CA13: variants seen among roughly 807,000 people sequenced by gnomAD.
CA13 encodes the protein CA-XIII.
A neutral mutation model predicts 31.5 loss-of-function variants in CA13; 21 were observed. The observed-to-expected ratio is 0.67, with a 90% confidence interval of 0.47 to 0.96. The LOEUF is 0.96. Ranked by LOEUF, CA13 falls within the 40% of genes least tolerant of loss-of-function variation. CA13 has a pLI of 0.00. For missense variants in CA13, 315 were observed against 318.9 expected (o/e 0.99, Z 0.09); for synonymous variants, 117 against 111.4 (o/e 1.05, Z -0.32).
At chr8:85,257,193 G>A (rs1363081208) in intron 2 of CA13, among the ~76,000 whole-genome samples, 2 of 152,162 alleles carry the variant, frequency 1.3e-5, no homozygotes, top group Admixed American at 6.5e-5. Context: ...GCTTTAACAG[G>A]TGAGGTCTCT....
chr8:85,278,153 C>G, intron 6 of CA13, among the ~76,000 whole-genome samples: 1 of 150,510 alleles, frequency 6.6e-6, no homozygotes, highest in East Asian at 2.0e-4. Flanking sequence ...ATAACCTCAG[C>G]TACTCCGGAG....
intron 1 of CA13, among the ~76,000 whole-genome samples, chr8:85,247,541 A>G (rs1813753807): frequency 6.6e-6 from 1 of 152,126 alleles, no homozygotes; most frequent in Admixed American, 6.5e-5. Context: ...TTGGAAATGT[A>G]TTATATACTA....
At position 85,281,479 on chromosome 8, in the gene CA13, C is replaced by T; in HGVS notation, c.*130C>T. 1 of 1,427,290 alleles carries T rather than the reference C, an allele frequency of 7.0e-7. No homozygotes were observed. The highest frequency in any genetic ancestry group is 1.5e-5 in the South Asian group (1 of 64,666). The allele number at this position is 1,427,290 out of a possible 1,614,324, so 88.4% of individuals were successfully genotyped here. ...ATAGGAAACATTTTAGTATGAGCTT[C>T]AGTGTCACAAAGAAAACCAGATCTC... On this transcript the variant is annotated 3_prime_UTR_variant, in exon 7 of 7. Transcript: ENST00000321764.
At chr8:85,277,940 A>T (rs4609189) in intron 6 of CA13, among the ~76,000 whole-genome samples, 92,711 of 151,796 alleles carry the variant, frequency 0.61, 28,849 homozygotes, top group Non-Finnish European at 0.65. Context: ...GCACCTTGGG[A>T]CTGGGCCTGA....
chr8:85,252,087 A>C (rs1411200719), intron 2 of CA13, among the ~76,000 whole-genome samples: 1 of 152,024 alleles, frequency 6.6e-6, no homozygotes, highest in Non-Finnish European at 1.5e-5. Context: ...GTGAGAACTT[A>C]TCTCTACAAA....
intron 4 of CA13, among the ~76,000 whole-genome samples, chr8:85,266,911 A>G (rs1446566009): frequency 6.6e-5 from 10 of 152,198 alleles, no homozygotes; most frequent in Non-Finnish European, 8.8e-5. Context: ...TTTTTATGTG[A>G]ATAACAATAG....
rs75925248 is a variant in CA13 at position 85,260,378 on chromosome 8, C to T, written c.354+839C>T. Among the ~76,000 whole-genome samples the T allele has an allele frequency of 4.6e-5, 7 of 152,298 alleles. No homozygotes were observed. The East Asian group carries it at 1.4e-3, about 29-fold the overall frequency. On this transcript the variant is annotated intron_variant, in intron 3 of 6. Transcript: ENST00000321764. ...CGTGAAAATAATTTGGTTTCTGAGT[C>T]GCCTAGGCAGGACAGAGCTAAGTTA...
chr8:85,266,412 G>A (rs1247370219), intron 3 of CA13, among the ~76,000 whole-genome samples, 196 bp from the exon 4 acceptor site: 2 of 152,162 alleles, frequency 1.3e-5, no homozygotes, highest in Non-Finnish European at 2.9e-5. Context: ...GACTAGTTAA[G>A]TGACTGTGAT....
At chr8:85,260,659 TACGTAC>T (rs1807363399) in intron 3 of CA13, among the ~76,000 whole-genome samples, 1 of 151,150 alleles carries the variant, frequency 6.6e-6, no homozygotes, top group Non-Finnish European at 1.5e-5. Flanking sequence ...AAATAAAATG[TACGTAC>T]AAAGTTTTTT....
At position 85,268,590 on chromosome 8, in the gene CA13, T is replaced by C; in HGVS notation, c.632T>C (p.Ile211Thr). 1 of 1,614,054 alleles carries C rather than the reference T, an allele frequency of 6.2e-7. No homozygotes were observed. The highest frequency in any genetic ancestry group is 8.5e-7 in the Non-Finnish European group (1 of 1,179,958). The change falls in exon 6 of 7, where the codon ATT (isoleucine) becomes ACT (threonine). Residue 211 changes from isoleucine to threonine, a missense_variant. Physicochemically the swap from Ile to Thr is moderately conservative, Grantham distance 89. Coordinates refer to ENST00000321764, the MANE Select transcript of CA13 (RefSeq NM_198584.3). The stretch of plus-strand genomic sequence containing the variant: ...CCTCTTCTTGAGAGTGTCACATGGA[T>C]TGTTTTAAAGCAACCTATAAACATC... Reference protein sequence around the residue: ...VPPLLESVTWIVLKQPINISS... With the variant: ...VPPLLESVTWTVLKQPINISS...
Position 85,256,342 on chromosome 8 carries a change from A to G in CA13, c.236-3079A>G, listed in dbSNP as rs370150053. 1.2e-4 allele frequency among the ~76,000 whole-genome samples: 19 copies of G among 152,344 alleles called. No individual in the cohort carries two copies. In the South Asian group the frequency reaches 3.9e-3, roughly 32 times the overall value. On this transcript the variant is annotated intron_variant, in intron 2 of 6. Transcript: ENST00000321764. ...GGTGTGTGTTCTTTTTGTGGATAAA[A>G]TATGTGTGCTGAAATTTTAAAAAGA...
chr8:85,253,206 A>G (rs1807224994), intron 2 of CA13, among the ~76,000 whole-genome samples: 2 of 152,228 alleles, frequency 1.3e-5, no homozygotes, highest in Non-Finnish European at 2.9e-5. Context: ...CGGCCTCCCA[A>G]AGTGCTGGGA....
At chr8:85,255,805 C>T (rs1807284552) in intron 2 of CA13, among the ~76,000 whole-genome samples, 2 of 152,180 alleles carry the variant, frequency 1.3e-5, no homozygotes, top group African/African-American at 4.8e-5. Flanking sequence ...AACAGTATCT[C>T]GCTGCTTTGG....
rs767581816 is a variant in CA13 at position 85,268,507 on chromosome 8, G to A, written c.549G>A (p.Leu183=). 5.0e-6 allele frequency: 8 copies of A among 1,613,884 alleles called. No individual in the cohort carries two copies. The highest frequency in any genetic ancestry group is 6.8e-6 in the Non-Finnish European group (8 of 1,179,968). ...CTCGATTCACAAATTTTGACCTATT[G>A]TCTCTGCTTCCACCATCCTGGGACT... ...KQTRFTNFDL[L]SLLPPSWDYW... Residue 183 remains leucine, a synonymous_variant, in exon 6 of 7, where the codon TTG becomes TTA. Transcript: ENST00000321764.
Position 85,259,540 on chromosome 8 carries a change from G to A in CA13, c.354+1G>A. 7 of 1,612,462 alleles carry A rather than the reference G, an allele frequency of 4.3e-6. No homozygotes were observed. Among genetic ancestry groups the A allele is most frequent in the Middle Eastern group, 3.3e-4 (2 of 6,056 alleles). ...AGATGGAGTGAGCTATGCTGCAGAG[G>A]TAAGCCATAAGACATATCTGTGATT... On this transcript the variant is annotated splice_donor_variant, in intron 3 of 6. Coordinates refer to ENST00000321764, the MANE Select transcript of CA13 (RefSeq NM_198584.3). LOFTEE classifies it high-confidence loss of function.
intron 6 of CA13, among the ~76,000 whole-genome samples, chr8:85,275,925 T>G (rs950905568): frequency 1.3e-5 from 2 of 152,272 alleles, no homozygotes; most frequent in Non-Finnish European, 2.9e-5. Context: ...CCTTGCTCGC[T>G]CTCAGCGCCT....
chr8:85,260,955 T>C (rs918360343), intron 3 of CA13, among the ~76,000 whole-genome samples: 1 of 152,226 alleles, frequency 6.6e-6, no homozygotes, highest in Non-Finnish European at 1.5e-5. Flanking sequence ...TACTACATAC[T>C]CAGAGAGGCT....
intron 3 of CA13, among the ~76,000 whole-genome samples, chr8:85,260,159 T>A (rs1468159352): frequency 3.3e-5 from 5 of 152,316 alleles, no homozygotes; most frequent in Non-Finnish European, 5.9e-5. Context: ...TTGTTTCTAC[T>A]CCTTTTTCCT....
At chr8:85,257,789 T>C (rs1807321482) in intron 2 of CA13, among the ~76,000 whole-genome samples, 3 of 149,554 alleles carry the variant, frequency 2.0e-5, no homozygotes, top group African/African-American at 7.3e-5. Flanking sequence ...TGGCTAATTT[T>C]TGTATTTTTT....
Sources: allele counts gnomAD v4.1 joint callset (sites outside exome capture counted in the v4.1 genomes callset), GRCh38; gene constraint gnomAD v4.1.1; transcripts MANE v1.5; gene names NCBI Gene and HGNC (gene_info 2026-07-23, HGNC 2026-07-21).